The following NRG3 variants were observed in gnomAD, a reference collection of about 807,000 sequenced individuals.
NRG3 encodes neuregulin 3, also known as pro-neuregulin-3, membrane-bound isoform.
Under a neutral mutation model 66.9 loss-of-function variants are expected in NRG3, and 31 were observed. The observed-to-expected ratio is 0.46, with a 90% CI of 0.35 to 0.63. The LOEUF (loss-of-function observed/expected upper bound fraction) is 0.63. Ranked by LOEUF, NRG3 falls within the 20% of genes least tolerant of loss-of-function variation. The probability of loss-of-function intolerance (pLI) is 0.00; values close to 1 mark genes in which losing one functional copy is unlikely to be tolerated. For missense variants in NRG3, 910 were observed against 878.9 expected (o/e 1.04, Z -0.45); for synonymous variants, 393 against 359.4 (o/e 1.09, Z -1.06).
At chr10:82,200,592 T>G (rs546596548) in intron 1 of NRG3, among the ~76,000 whole-genome samples, 5 of 152,200 alleles carry the variant, frequency 3.3e-5, no homozygotes, top group Non-Finnish European at 2.9e-5. Flanking sequence ...AAATCAATGA[T>G]GGGTTCTAAC....
At chr10:82,557,650 G>A (rs1019965108) in intron 2 of NRG3, among the ~76,000 whole-genome samples, 1 of 152,020 alleles carries the variant, frequency 6.6e-6, no homozygotes, top group South Asian at 2.1e-4. Flanking sequence ...TGTTGATTTA[G>A]CATTTTTTTT....
intron 2 of NRG3, among the ~76,000 whole-genome samples, chr10:82,391,203 T>G (rs2086342759): frequency 6.6e-6 from 1 of 152,174 alleles, no homozygotes; most frequent in South Asian, 2.1e-4. Context: ...TTGAGAGCAC[T>G]TTCAAAGAGC....
rs917290977 is a variant in NRG3 at position 81,955,092 on chromosome 10, AAT to A, written c.823+78934_823+78935del. On this transcript the variant is annotated intron_variant, in intron 1 of 8. Coordinates refer to ENST00000372141, the MANE Select transcript of NRG3 (RefSeq NM_001010848.4). ...AGATACAGATATATACCTGTTATAAAATATATGTTTGTTCTGTTATATTAGAC... is the reference window on the plus strand; with the variant it reads ...AGATACAGATATATACCTGTTATAAAATATGTTTGTTCTGTTATATTAGAC... Among the ~76,000 whole-genome samples the A allele has an allele frequency of 2.1e-4, 32 of 149,354 alleles. 1 individual carries two copies. Among genetic ancestry groups the A allele is most frequent in the African/African-American group, 5.4e-4 (22 of 40,670 alleles).
intron 1 of NRG3, among the ~76,000 whole-genome samples, chr10:82,052,150 C>A (rs946914404): frequency 6.6e-6 from 1 of 151,270 alleles, no homozygotes; most frequent in African/African-American, 2.4e-5. Flanking sequence ...ATACTAAACA[C>A]AATGAATATT....
chr10:82,436,128 A>C (rs1424369668), intron 2 of NRG3, among the ~76,000 whole-genome samples: 6 of 152,076 alleles, frequency 3.9e-5, no homozygotes, highest in African/African-American at 1.4e-4. Flanking sequence ...TCTAATACTG[A>C]CATTGGGGTG....
At chr10:82,233,331 C>CTCCA (rs1456256892) in intron 1 of NRG3, among the ~76,000 whole-genome samples, 3 of 152,156 alleles carry the variant, frequency 2.0e-5, no homozygotes, top group Non-Finnish European at 2.9e-5. Flanking sequence ...CGCCACTGCA[C>CTCCA]TCCAGCCTGG....
intron 2 of NRG3, among the ~76,000 whole-genome samples, chr10:82,362,331 ATATGTGTGTGTGTG>A (rs1387973700): frequency 4.4e-4 from 54 of 123,782 alleles, no homozygotes; most frequent in African/African-American, 2.0e-3. Context: ...GTGTATATAT[ATATGTGTGTGTGTG>A]TGTGTGTGTG....
chr10:82,055,166 A>G (rs2063774777), intron 1 of NRG3, among the ~76,000 whole-genome samples: 1 of 152,070 alleles, frequency 6.6e-6, no homozygotes, highest in African/African-American at 2.4e-5. Flanking sequence ...TAGAGAGGTC[A>G]TTGGTGATCT....
chr10:82,596,625 A>G (rs949732077), intron 2 of NRG3, among the ~76,000 whole-genome samples: 6 of 152,164 alleles, frequency 3.9e-5, no homozygotes, highest in African/African-American at 1.4e-4. Context: ...CACACAGAAC[A>G]ACAACAAAAA....
chr10:82,097,227 A>G (rs1452677876), intron 1 of NRG3, among the ~76,000 whole-genome samples: 2 of 151,838 alleles, frequency 1.3e-5, no homozygotes, highest in Non-Finnish European at 2.9e-5. Context: ...ACTTAGCATA[A>G]TGTATTTGAG....
intron 4 of NRG3, among the ~76,000 whole-genome samples, chr10:82,931,415 C>T (rs184253946): frequency 1.3e-5 from 2 of 152,326 alleles, no homozygotes; most frequent in African/African-American, 4.8e-5. Flanking sequence ...CTCTACCTTT[C>T]ACCTTCTGAG....
At chr10:82,109,905 C>T (rs564796206) in intron 1 of NRG3, among the ~76,000 whole-genome samples, 18 of 152,224 alleles carry the variant, frequency 1.2e-4, no homozygotes, top group South Asian at 2.1e-4. Flanking sequence ...TGTGACCTGG[C>T]TGTCTGATAC....
chr10:82,521,000 G>C (rs767755464), intron 2 of NRG3, among the ~76,000 whole-genome samples: 11 of 152,014 alleles, frequency 7.2e-5, no homozygotes, highest in African/African-American at 2.7e-4. Context: ...TAAGCATAAG[G>C]CTGCAGCATG....
rs1224835127 is a variant in NRG3, at chr10:82,986,276, A to G, written c.*671A>G. On this transcript the variant is annotated 3_prime_UTR_variant, in exon 9 of 9. Transcript: ENST00000372141. ...CAGAAAAAGAGACAAAAAAATCCTT[A>G]TATCGTGTCACTAAAATCATGCTAA... 1 of 152,190 alleles carries G rather than the reference A, an allele frequency of 6.6e-6. No individual in the cohort carries two copies. The highest frequency in any genetic ancestry group is 1.5e-5 in the Non-Finnish European group (1 of 68,046). 9.4% of individuals were successfully genotyped at this position (152,190 alleles called of 1,614,324 possible). A position where few individuals can be genotyped will look rare whatever the true frequency, so the allele number is the denominator to read the frequency against.
At chr10:82,856,891 G>T (rs2135885484) in intron 3 of NRG3, among the ~76,000 whole-genome samples, 1 of 152,204 alleles carries the variant, frequency 6.6e-6, no homozygotes, top group African/African-American at 2.4e-5. Context: ...AGGAACTCTA[G>T]TGTATTCACC....
intron 2 of NRG3, among the ~76,000 whole-genome samples, chr10:82,526,175 T>A (rs1846671439): frequency 6.6e-6 from 1 of 151,812 alleles, no homozygotes; most frequent in Admixed American, 6.6e-5. Flanking sequence ...TTTGCTATAA[T>A]CACTAAAGGA....
chr10:82,112,708 C>T (rs1187676095), intron 1 of NRG3, among the ~76,000 whole-genome samples: 2 of 152,240 alleles, frequency 1.3e-5, no homozygotes, highest in East Asian at 3.9e-4. Context: ...GAAGGTCACC[C>T]TATGGTTTAT....
chr10:82,232,645 T>C, intron 1 of NRG3: 1 of 635,236 alleles, frequency 1.6e-6, no homozygotes, highest in Non-Finnish European at 2.9e-6. Context: ...TTGTCAGAAA[T>C]TTTGTTTTGT....
intron 2 of NRG3, among the ~76,000 whole-genome samples, chr10:82,628,244 A>G (rs1403630053): frequency 6.6e-6 from 1 of 152,222 alleles, no homozygotes; most frequent in Non-Finnish European, 1.5e-5. Context: ...TTTAGTTATC[A>G]AAACATTGCC....
Sources: allele counts gnomAD v4.1 joint callset (sites outside exome capture counted in the v4.1 genomes callset), GRCh38; gene constraint gnomAD v4.1.1; transcripts MANE v1.5; gene names NCBI Gene and HGNC (gene_info 2026-07-23, HGNC 2026-07-21).